PKN2: variants seen among roughly 807,000 people sequenced by gnomAD.
PKN2 encodes serine/threonine-protein kinase N2.
PKN2 carries 38 observed loss-of-function variants against 119.1 expected under a neutral mutation model. The observed-to-expected ratio is 0.32, with a 90% confidence interval of 0.25 to 0.42. PKN2 has a LOEUF of 0.42. Ranked by LOEUF, PKN2 falls within the 10% of genes least tolerant of loss-of-function variation. PKN2 has a pLI of 1.00. For missense variants in PKN2, 850 were observed against 1,165.1 expected (o/e 0.73, Z 3.94); for synonymous variants, 390 against 384.9 (o/e 1.01, Z -0.15).
chr1:88,749,088 T>C (rs1668884793), intron 2 of PKN2, among the ~76,000 whole-genome samples: 1 of 152,152 alleles, frequency 6.6e-6, no homozygotes, highest in Non-Finnish European at 1.5e-5. Context: ...TAGTAGTTAA[T>C]ATACATTATT....
chr1:88,688,654 CTTCA>C (rs1375675127), intron 1 of PKN2, among the ~76,000 whole-genome samples: 1 of 152,118 alleles, frequency 6.6e-6, no homozygotes, highest in African/African-American at 2.4e-5. Context: ...TACAGGGTTT[CTTCA>C]TTAAGAATTA....
At chr1:88,757,069 A>G (rs1412267933) in intron 2 of PKN2, among the ~76,000 whole-genome samples, 1 of 152,090 alleles carries the variant, frequency 6.6e-6, no homozygotes, top group African/African-American at 2.4e-5. Flanking sequence ...TTTGATTTGA[A>G]AACTTACCTA....
intron 8 of PKN2, among the ~76,000 whole-genome samples, chr1:88,787,875 T>C (rs1670647646): frequency 6.6e-6 from 1 of 152,222 alleles, no homozygotes; most frequent in Non-Finnish European, 1.5e-5. Flanking sequence ...AGAAACCACA[T>C]TCCCTATTAA....
rs895357426 is a variant in PKN2, at chr1:88,684,326, A to T, written c.-255A>T. 17 of 413,720 alleles carry T rather than the reference A, an allele frequency of 4.1e-5. No homozygotes were observed. The Admixed American group carries it at 4.5e-4, about 11-fold the overall frequency. 25.6% of individuals were successfully genotyped at this position (413,720 alleles called of 1,614,324 possible). On this transcript the variant is annotated 5_prime_UTR_variant, in exon 1 of 22. Transcript: ENST00000370521. Reference sequence around the variant, plus strand: ...TGAGGCGGCTCCTGGCGTCGCCCAGAGGGAGCGACTAGACGAACAGTCCGG... The same window carrying T: ...TGAGGCGGCTCCTGGCGTCGCCCAGTGGGAGCGACTAGACGAACAGTCCGG...
intron 1 of PKN2, among the ~76,000 whole-genome samples, chr1:88,697,256 C>T (rs772576132): frequency 9.2e-5 from 14 of 152,128 alleles, no homozygotes; most frequent in South Asian, 6.2e-4. Context: ...CTCTTTATGT[C>T]GCTAGCAACT....
In PKN2 at chr1:88,684,605, G is replaced by T. The variant is rs1665994977; in HGVS notation, c.25G>T (p.Glu9Ter). The T allele has an allele frequency of 6.4e-7, 1 of 1,564,568 alleles. No homozygotes were observed. MASNPERG[E>*]ILLTELQGDS... ...AATGGCGTCCAACCCCGAACGGGGG[G>T]AGATTCTGCTCACGGAACTGCAGGT... Residue 9 changes from glutamate (E) to a stop codon, truncating the protein, a stop_gained, in exon 1 of 22, where the codon GAG (glutamate) becomes TAG (stop). Transcript: ENST00000370521. LOFTEE classifies it high-confidence loss of function.
intron 2 of PKN2, among the ~76,000 whole-genome samples, chr1:88,754,571 G>A (rs566003416): frequency 2.3e-4 from 35 of 152,294 alleles, no homozygotes; most frequent in Admixed American, 2.0e-3. Flanking sequence ...TATTAGAAAG[G>A]TTTTGAACAC....
intron 6 of PKN2, among the ~76,000 whole-genome samples, chr1:88,782,381 CTT>C (rs926763431): frequency 2.7e-5 from 4 of 147,864 alleles, no homozygotes; most frequent in African/African-American, 9.9e-5. Context: ...AATTCATGGC[CTT>C]TTTTTTTTCT....
intron 2 of PKN2, among the ~76,000 whole-genome samples, chr1:88,754,240 CTG>C (rs943440592): frequency 2.0e-5 from 3 of 151,282 alleles, no homozygotes; most frequent in Non-Finnish European, 4.4e-5. Context: ...TTTTTTTTCT[CTG>C]TGTCTTTTTA....
At chr1:88,771,391 G>A in intron 4 of PKN2, 30 bp from the exon 5 acceptor site, 2 of 1,552,982 alleles carry the variant, frequency 1.3e-6, no homozygotes, top group Non-Finnish European at 1.7e-6. Flanking sequence ...CAGATAAATG[G>A]TGCAATTAAA....
chr1:88,815,578 C>CATATT (rs1175849964), intron 16 of PKN2: 92 of 165,272 alleles, frequency 5.6e-4, no homozygotes, highest in African/African-American at 2.1e-3. Context: ...ATACCTGGAA[C>CATATT]ATATTAGGCA....
At chr1:88,752,778 G>C (rs1186596030) in intron 2 of PKN2, among the ~76,000 whole-genome samples, 1 of 151,928 alleles carries the variant, frequency 6.6e-6, no homozygotes, top group Non-Finnish European at 1.5e-5. Context: ...CTTACTTTCA[G>C]CTTTTCTGTA....
At chr1:88,684,815 C>T in intron 1 of PKN2, 187 bp downstream of exon 1, 1 of 528,756 alleles carries the variant, frequency 1.9e-6, no homozygotes, top group South Asian at 2.5e-5. Flanking sequence ...CGGACCCTCT[C>T]CCCCGCCAAA....
At chr1:88,784,475 C>G (rs1331893597) in intron 6 of PKN2, among the ~76,000 whole-genome samples, 164 bp from the exon 7 acceptor site, 1 of 151,964 alleles carries the variant, frequency 6.6e-6, no homozygotes, top group Non-Finnish European at 1.5e-5. Flanking sequence ...AATGGTTTCT[C>G]TAATTAAAAT....
intron 8 of PKN2, among the ~76,000 whole-genome samples, chr1:88,799,946 A>G (rs1671241376): frequency 6.6e-6 from 1 of 152,218 alleles, no homozygotes; most frequent in Non-Finnish European, 1.5e-5. Context: ...GAAGACCAAT[A>G]TCATCGCTCG....
At chr1:88,820,216 ATATATATATATATATAT>A (rs1557634924) in intron 16 of PKN2, among the ~76,000 whole-genome samples, 10 of 115,502 alleles carry the variant, frequency 8.7e-5, no homozygotes, top group Non-Finnish European at 1.3e-4. Context: ...ATATATATAT[ATATATATATATATATAT>A]AAATAGAAAA....
At chr1:88,781,796 G>A (rs563215558) in intron 6 of PKN2, among the ~76,000 whole-genome samples, 1 of 152,190 alleles carries the variant, frequency 6.6e-6, no homozygotes, top group Non-Finnish European at 1.5e-5. Context: ...TTTTACAGTT[G>A]AGCATTTACA....
chr1:88,803,197 T>G (rs1398325656), intron 8 of PKN2, among the ~76,000 whole-genome samples: 2 of 152,228 alleles, frequency 1.3e-5, no homozygotes, highest in Admixed American at 1.3e-4. Flanking sequence ...GACGTATTTT[T>G]CTAATTCTTT....
chr1:88,775,233 G>A (rs1363864990), intron 6 of PKN2, among the ~76,000 whole-genome samples: 1 of 152,076 alleles, frequency 6.6e-6, no homozygotes, highest in African/African-American at 2.4e-5. Context: ...CAAAGTGCTA[G>A]GATTACAGGC....
Sources: allele counts gnomAD v4.1 joint callset (sites outside exome capture counted in the v4.1 genomes callset), GRCh38; gene constraint gnomAD v4.1.1; transcripts MANE v1.5; gene names NCBI Gene and HGNC (gene_info 2026-07-23, HGNC 2026-07-21).